Variants in CTNNA1 observed in about 807,000 individuals in gnomAD.
CTNNA1 encodes catenin alpha 1.
CTNNA1 carries 37 observed loss-of-function variants against 98.4 expected under a neutral mutation model. The ratio of observed to expected loss-of-function variants is 0.38; its 90% CI spans 0.29 to 0.49. The LOEUF is 0.49. Among genes scored for constraint, CTNNA1 ranks in the 20% least tolerant of loss-of-function variants. CTNNA1 has a pLI of 0.95. For synonymous variants in CTNNA1, 404 were observed against 413.2 expected (o/e 0.98, Z 0.27); for missense variants, 761 against 1,147.2 (o/e 0.66, Z 4.86).
At chr5:138,898,952 T>A (rs778197313) in intron 9 of CTNNA1, among the ~76,000 whole-genome samples, 1 of 152,232 alleles carries the variant, frequency 6.6e-6, no homozygotes, top group Non-Finnish European at 1.5e-5. Flanking sequence ...CAGTAGAGTT[T>A]AAGTCAATAT....
At chr5:138,769,416 T>C (rs1274702308) in intron 1 of CTNNA1, among the ~76,000 whole-genome samples, 4 of 151,956 alleles carry the variant, frequency 2.6e-5, no homozygotes, top group Non-Finnish European at 5.9e-5. Context: ...TGAGATGGAG[T>C]CTCACTGTGT....
intron 3 of CTNNA1, among the ~76,000 whole-genome samples, chr5:138,792,975 C>T (rs1756538882): frequency 6.6e-6 from 1 of 151,982 alleles, no homozygotes; most frequent in African/African-American, 2.4e-5. Context: ...AATTTTCATC[C>T]TGTTTTCTCC....
intron 6 of CTNNA1, 94 bp downstream of exon 6, chr5:138,824,893 G>A (rs1760484565): frequency 1.7e-6 from 2 of 1,149,830 alleles, no homozygotes; most frequent in Non-Finnish European, 2.5e-6. Flanking sequence ...TCTGATGATA[G>A]CTCAATTTCC....
Position 138,864,805 on chromosome 5 carries a change from T to C in CTNNA1, c.1063-21407T>C, listed in dbSNP as rs867152287. On this transcript the variant is annotated intron_variant, in intron 7 of 17. Coordinates refer to ENST00000302763, the MANE Select transcript of CTNNA1 (RefSeq NM_001903.5). ...TGTAGTGGAAGATGTGTTTTTTGTTTTTGTTTTTGTTTTTGTTTTTGTTTT... is the reference window on the plus strand; with the variant it reads ...TGTAGTGGAAGATGTGTTTTTTGTTCTTGTTTTTGTTTTTGTTTTTGTTTT... Among the ~76,000 whole-genome samples the C allele has an allele frequency of 6.6e-5, 10 of 151,690 alleles. No homozygotes were observed. The South Asian group carries it at 2.1e-3, about 32-fold the overall frequency.
intron 3 of CTNNA1, among the ~76,000 whole-genome samples, chr5:138,801,397 T>C (rs1483327216): frequency 6.6e-6 from 1 of 152,374 alleles, no homozygotes; most frequent in East Asian, 1.9e-4. Flanking sequence ...CCTAACTTTC[T>C]CTTAATTTTT....
chr5:138,834,612 T>C (rs938315404), intron 7 of CTNNA1, among the ~76,000 whole-genome samples: 1 of 152,216 alleles, frequency 6.6e-6, no homozygotes, highest in African/African-American at 2.4e-5. Context: ...TTAACAAATA[T>C]GATTTTATAA....
At chr5:138,810,954 T>G (rs1390340021) in intron 4 of CTNNA1, among the ~76,000 whole-genome samples, 3 of 141,102 alleles carry the variant, frequency 2.1e-5, no homozygotes, top group Middle Eastern at 3.8e-3. Flanking sequence ...ACGGGGCAGC[T>G]GGCCGGGCAG....
chr5:138,772,754 A>G lies in CTNNA1; in HGVS notation c.-2-9169A>G, dbSNP rs575471226. Among the ~76,000 whole-genome samples, 3 of 152,370 alleles carry G rather than the reference A, an allele frequency of 2.0e-5. 1 individual carries two copies. The South Asian group carries it at 6.2e-4, about 32-fold the overall frequency. On this transcript the variant is annotated intron_variant, in intron 1 of 17. Transcript: ENST00000302763. ...AATTCAATGGCTGTTGAGTGACAAC[A>G]TAAATGAAAAGAGCACCAGAATTTC...
intron 1 of CTNNA1, among the ~76,000 whole-genome samples, chr5:138,781,076 G>C (rs996818911): frequency 6.6e-6 from 1 of 152,276 alleles, no homozygotes; most frequent in Non-Finnish European, 1.5e-5. Flanking sequence ...AGTGATAATA[G>C]CTGTGGGTGC....
At chr5:138,930,368 A>G in intron 14 of CTNNA1, 105 bp from the exon 15 acceptor site, 1 of 827,870 alleles carries the variant, frequency 1.2e-6, no homozygotes, top group Non-Finnish European at 1.9e-6. Flanking sequence ...TTAAAGCATT[A>G]TCCTACCTAT....
chr5:138,881,101 C>G (rs1752808672), intron 7 of CTNNA1: 1 of 456,252 alleles, frequency 2.2e-6, no homozygotes, highest in Non-Finnish European at 4.4e-6. Context: ...TTGCACATTG[C>G]TGAAAGGGGC....
At chr5:138,810,225 C>G (rs1162058218) in intron 4 of CTNNA1, 21 bp downstream of exon 4, 1 of 1,601,754 alleles carries the variant, frequency 6.2e-7, no homozygotes, top group African/African-American at 1.3e-5. Flanking sequence ...AGGCCTATGT[C>G]TGTAATTTGT....
chr5:138,818,684 A>G (rs1195623475), intron 5 of CTNNA1, among the ~76,000 whole-genome samples: 6 of 152,130 alleles, frequency 3.9e-5, no homozygotes, highest in Non-Finnish European at 4.4e-5. Flanking sequence ...TAGTTGTGGC[A>G]GTCATGTAGG....
At chr5:138,820,447 G>A (rs1368152596) in intron 5 of CTNNA1, among the ~76,000 whole-genome samples, 1 of 152,142 alleles carries the variant, frequency 6.6e-6, no homozygotes, top group Admixed American at 6.5e-5. Flanking sequence ...CCTCAGCTGG[G>A]CCTAGTGCCT....
chr5:138,932,750 C>T (rs28363500), intron 17 of CTNNA1, 38 bp downstream of exon 17: 47 of 1,610,694 alleles, frequency 2.9e-5, no homozygotes, highest in African/African-American at 2.8e-4. Context: ...CCAGTGGGAA[C>T]GTGCTGACCC....
chr5:138,867,495 T>C (rs1283140619), intron 7 of CTNNA1, among the ~76,000 whole-genome samples: 1 of 152,202 alleles, frequency 6.6e-6, no homozygotes, highest in Non-Finnish European at 1.5e-5. Context: ...CCAAGGACAT[T>C]ATAGTTGACC....
intron 9 of CTNNA1, 117 bp from the exon 10 acceptor site, chr5:138,904,232 G>A: frequency 1.6e-6 from 2 of 1,264,692 alleles, no homozygotes; most frequent in Non-Finnish European, 1.1e-6. Context: ...GAGAAGGGAG[G>A]CACCCTTGGT....
intron 7 of CTNNA1, among the ~76,000 whole-genome samples, chr5:138,863,257 A>G (rs1764449409): frequency 6.6e-6 from 1 of 151,798 alleles, no homozygotes; most frequent in South Asian, 2.1e-4. Flanking sequence ...TTTTTTTGAA[A>G]CAGTGTCTTG....
chr5:138,920,962 G>A (rs1014243655), intron 11 of CTNNA1, among the ~76,000 whole-genome samples: 15 of 152,040 alleles, frequency 9.9e-5, no homozygotes, highest in Admixed American at 2.0e-4. Context: ...AGGGCGGGGG[G>A]AACTTTGATC....
Sources: gnomAD v4.1 joint callset for allele counts (sites outside exome capture counted in the v4.1 genomes callset) on GRCh38, gnomAD v4.1.1 for gene constraint, MANE v1.5 for transcripts, NCBI Gene and HGNC (gene_info 2026-07-23, HGNC 2026-07-21) for gene names.